Variants in L3MBTL4 observed in about 807,000 individuals in gnomAD.
L3MBTL4 encodes L3MBTL histone methyl-lysine binding protein 4, also known as lethal(3)malignant brain tumor-like protein 4.
L3MBTL4 carries 70 observed loss-of-function variants against 84.5 expected under a neutral mutation model. The observed-to-expected ratio is 0.83, with a 90% CI of 0.68 to 1.01. The LOEUF (loss-of-function observed/expected upper bound fraction) is 1.01, where lower values mean the gene tolerates loss of function less well. Among genes scored for constraint, L3MBTL4 ranks in the 50% least tolerant of loss-of-function variants. L3MBTL4 has a pLI of 0.00. For synonymous variants in L3MBTL4, 274 were observed against 259.8 expected (o/e 1.05, Z -0.52); for missense variants, 715 against 754.8 (o/e 0.95, Z 0.62).
At chr18:6,250,244 A>G (rs2047864591) in intron 5 of L3MBTL4, among the ~76,000 whole-genome samples, 1 of 152,248 alleles carries the variant, frequency 6.6e-6, no homozygotes, top group African/African-American at 2.4e-5. Flanking sequence ...ATATACTATT[A>G]TTTAAAATGC....
chr18:6,211,115 A>G (rs1045245744), intron 12 of L3MBTL4, among the ~76,000 whole-genome samples: 4 of 152,244 alleles, frequency 2.6e-5, no homozygotes, highest in Non-Finnish European at 4.4e-5. Flanking sequence ...ACACAGTCAA[A>G]TAAGTCAGTG....
rs58507219 is a variant in L3MBTL4, at chr18:6,295,309, A to ACTCTCTCT, written c.127+6586_127+6593dup. Among the ~76,000 whole-genome samples the ACTCTCTCT allele has an allele frequency of 3.6e-3, 224 of 62,694 alleles. 1 individual carries two copies. The highest frequency in any genetic ancestry group is 9.8e-3 in the Admixed American group (48 of 4,878). The allele number at this position is 62,694 out of a possible 152,430, so 41.1% of individuals were successfully genotyped here. A position where few individuals can be genotyped will look rare whatever the true frequency, so the allele number is the denominator to read the frequency against. On this transcript the variant is annotated intron_variant, in intron 4 of 18. Transcript: ENST00000317931. ...AACAGCAACAACAACAACAACAACA[A>ACTCTCTCT]CTCTCTCTCTCTCTCTCTCTCTCTC... is the stretch of plus-strand genomic sequence containing the variant.
intron 10 of L3MBTL4, among the ~76,000 whole-genome samples, chr18:6,230,928 GTTGT>G (rs1033469532): frequency 1.3e-5 from 2 of 152,008 alleles, no homozygotes; most frequent in African/African-American, 4.8e-5. Flanking sequence ...TTTTAATGGG[GTTGT>G]TTGTTTTTTG....
chr18:6,275,189 G>C (rs1472997810), intron 4 of L3MBTL4, among the ~76,000 whole-genome samples: 2 of 152,134 alleles, frequency 1.3e-5, no homozygotes, highest in African/African-American at 2.4e-5. Flanking sequence ...GTAGGGCCAA[G>C]AGGAGGAGCC....
intron 12 of L3MBTL4, among the ~76,000 whole-genome samples, chr18:6,176,244 C>G (rs1203666017): frequency 2.0e-5 from 3 of 151,890 alleles, no homozygotes; most frequent in Admixed American, 6.6e-5. Flanking sequence ...CTAGCTTACC[C>G]AAAACAATTT....
intron 1 of L3MBTL4, among the ~76,000 whole-genome samples, chr18:6,376,280 A>G (rs966299760): frequency 1.3e-5 from 2 of 152,060 alleles, no homozygotes; most frequent in African/African-American, 2.4e-5. Flanking sequence ...CACTTCAAAC[A>G]TCACCTCCTC....
intron 16 of L3MBTL4, among the ~76,000 whole-genome samples, chr18:5,992,857 C>T (rs546977537): frequency 6.6e-6 from 1 of 152,194 alleles, no homozygotes; most frequent in Non-Finnish European, 1.5e-5. Context: ...CCTGCAGAAC[C>T]GTGAGCCAAT....
chr18:6,016,935 G>C (rs1253300104), intron 16 of L3MBTL4, among the ~76,000 whole-genome samples: 1 of 152,076 alleles, frequency 6.6e-6, no homozygotes, highest in Non-Finnish European at 1.5e-5. Flanking sequence ...AGCCAGGCCA[G>C]GGGTACCACC....
At chr18:6,035,326 T>C (rs2056074365) in intron 16 of L3MBTL4, among the ~76,000 whole-genome samples, 1 of 152,236 alleles carries the variant, frequency 6.6e-6, no homozygotes, top group Admixed American at 6.5e-5. Context: ...GAATTTTGTA[T>C]AAGGTGTAAG....
intron 12 of L3MBTL4, among the ~76,000 whole-genome samples, chr18:6,197,342 G>A (rs113825977): frequency 4.3e-4 from 65 of 152,198 alleles, no homozygotes; most frequent in African/African-American, 1.2e-3. Context: ...CAGCTCCCAC[G>A]TATAAGTGAG....
intron 5 of L3MBTL4, among the ~76,000 whole-genome samples, chr18:6,258,323 C>T (rs547117164): frequency 1.1e-4 from 16 of 152,348 alleles, no homozygotes; most frequent in African/African-American, 3.6e-4. Flanking sequence ...CCACAGCTAT[C>T]TGCAAGGCCT....
chr18:6,377,607 A>G (rs1450984618), intron 1 of L3MBTL4, among the ~76,000 whole-genome samples: 1 of 152,126 alleles, frequency 6.6e-6, no homozygotes, highest in Admixed American at 6.5e-5. Flanking sequence ...TTTGCTGAGA[A>G]TGATGGTTTC....
At chr18:6,283,914 T>A (rs1252968643) in intron 4 of L3MBTL4, among the ~76,000 whole-genome samples, 2 of 152,230 alleles carry the variant, frequency 1.3e-5, no homozygotes, top group Non-Finnish European at 2.9e-5. Context: ...TCAGAAGGAA[T>A]AACTAAAAGT....
At chr18:6,354,377 T>A (rs917703692) in intron 1 of L3MBTL4, among the ~76,000 whole-genome samples, 1 of 152,082 alleles carries the variant, frequency 6.6e-6, no homozygotes, top group African/African-American at 2.4e-5. Flanking sequence ...TGGGCAAAAA[T>A]GTCTTGACTA....
At chr18:6,127,088 C>G (rs995045722) in intron 14 of L3MBTL4, among the ~76,000 whole-genome samples, 1 of 152,162 alleles carries the variant, frequency 6.6e-6, no homozygotes, top group East Asian at 1.9e-4. Flanking sequence ...CCTTTGGGAA[C>G]CCTTTTGAAC....
chr18:6,030,259 C>T (rs2055724358), intron 16 of L3MBTL4: 2 of 975,076 alleles, frequency 2.1e-6, no homozygotes, highest in Non-Finnish European at 2.4e-6. Context: ...GAGAGATACC[C>T]CCTTATACCT....
At chr18:6,077,729 AAAAAAAATGG>A (rs1488821097) in intron 16 of L3MBTL4, among the ~76,000 whole-genome samples, 4 of 152,020 alleles carry the variant, frequency 2.6e-5, no homozygotes, top group Admixed American at 1.3e-4. Context: ...TTAAAAAAAA[AAAAAAAATGG>A]AAGACTCCTG....
chr18:6,334,790 G>C (rs1300168301), intron 1 of L3MBTL4, among the ~76,000 whole-genome samples: 2 of 152,084 alleles, frequency 1.3e-5, no homozygotes, highest in Non-Finnish European at 2.9e-5. Context: ...AAACATATGA[G>C]CTGATTTCCT....
rs775799045 is a variant in L3MBTL4, at chr18:6,021,761, A to G, written c.1445-52199T>C. ...CCTCTGGTCCCAGTTCTCCTGGTGC[A>G]GCGGGGTGGGGGGGTGGCGGGTTTA... is the stretch of plus-strand genomic sequence containing the variant. On this transcript the variant is annotated intron_variant, in intron 16 of 18. Coordinates refer to ENST00000317931, the MANE Select transcript of L3MBTL4 (RefSeq NM_001330559.2). Among the ~76,000 whole-genome samples, 10 of 151,810 alleles carry G rather than the reference A, an allele frequency of 6.6e-5. 1 individual carries two copies. In the Middle Eastern group the frequency reaches 0.01, roughly 155 times the overall value.
Sources: allele counts gnomAD v4.1 joint callset (sites outside exome capture counted in the v4.1 genomes callset), GRCh38; gene constraint gnomAD v4.1.1; transcripts MANE v1.5; gene names NCBI Gene and HGNC (gene_info 2026-07-23, HGNC 2026-07-21).